Variants in ROBO2 observed in about 807,000 individuals in gnomAD.
ROBO2 encodes the protein roundabout guidance receptor 2.
ROBO2 carries 53 observed loss-of-function variants against 160.8 expected under a neutral mutation model. The ratio of observed to expected loss-of-function variants is 0.33; its 90% CI spans 0.26 to 0.41. The LOEUF is 0.41. Among genes scored for constraint, ROBO2 ranks in the 10% least tolerant of loss-of-function variants. The probability of loss-of-function intolerance (pLI) is 1.00; values close to 1 mark genes in which losing one functional copy is unlikely to be tolerated. For synonymous variants in ROBO2, 664 were observed against 611.7 expected, an observed-to-expected ratio of 1.09 and a Z score of -1.26; for missense variants, 1,577 against 1,722.4, an observed-to-expected ratio of 0.92 and a Z score of 1.49.
intron 2 of ROBO2, among the ~76,000 whole-genome samples, chr3:76,958,385 TC>T (rs2079428579): frequency 6.6e-6 from 1 of 152,246 alleles, no homozygotes; most frequent in Admixed American, 6.5e-5. Context: ...TTTTTATCTG[TC>T]TGCTCTTCCT....
At chr3:77,553,091 G>T (rs2092978110) in intron 8 of ROBO2, among the ~76,000 whole-genome samples, 1 of 152,058 alleles carries the variant, frequency 6.6e-6, no homozygotes, top group Admixed American at 6.6e-5. Context: ...AAACAAGTCT[G>T]TTGGTGCCAT....
intron 2 of ROBO2, among the ~76,000 whole-genome samples, chr3:76,370,455 T>A (rs1239286073): frequency 1.3e-5 from 2 of 152,074 alleles, no homozygotes; most frequent in East Asian, 3.9e-4. Context: ...TTATTAAATC[T>A]CTTTCAGTGT....
At chr3:76,294,208 C>T (rs565812358) in intron 2 of ROBO2, among the ~76,000 whole-genome samples, 7 of 152,146 alleles carry the variant, frequency 4.6e-5, no homozygotes, top group Admixed American at 2.0e-4. Flanking sequence ...AAGGGGGTTT[C>T]CTGGGCCTCC....
chr3:76,628,494 C>T (rs1169241769), intron 2 of ROBO2, among the ~76,000 whole-genome samples: 1 of 149,078 alleles, frequency 6.7e-6, no homozygotes, highest in East Asian at 2.0e-4. Flanking sequence ...TCCTAAACTC[C>T]TGGGCTCAAA....
rs192965430 is a variant in ROBO2, at chr3:76,302,450, A to G, written c.109+364848A>G. Reference sequence around the variant, plus strand: ...TTTAACTAGAAACAGAACCAATATTATAGTACCCTAGAAGGCTCAAGAGCA... The same window carrying G: ...TTTAACTAGAAACAGAACCAATATTGTAGTACCCTAGAAGGCTCAAGAGCA... On this transcript the variant is annotated intron_variant, in intron 2 of 26. Coordinates refer to the ROBO2 transcript ENST00000487694. Among the ~76,000 whole-genome samples, 283 of 152,184 alleles carry G rather than the reference A, an allele frequency of 1.9e-3. 5 individuals are homozygous for G. The highest frequency in any genetic ancestry group is 4.4e-4 in the Non-Finnish European group (30 of 67,932).
At chr3:76,402,923 T>G (rs1309197075) in intron 2 of ROBO2, among the ~76,000 whole-genome samples, 2 of 151,620 alleles carry the variant, frequency 1.3e-5, no homozygotes, top group Admixed American at 1.3e-4. Context: ...AAGTCCCTCT[T>G]ACTATGTATG....
intron 13 of ROBO2, among the ~76,000 whole-genome samples, chr3:77,573,008 CT>C (rs1197045575): frequency 2.0e-5 from 3 of 151,922 alleles, no homozygotes. Flanking sequence ...CCATAATTCT[CT>C]TTTTTATTTC....
intron 2 of ROBO2, among the ~76,000 whole-genome samples, chr3:75,985,871 A>G (rs2065400314): frequency 6.6e-6 from 1 of 151,636 alleles, no homozygotes; most frequent in African/African-American, 2.4e-5. Context: ...AGAATATGTC[A>G]GACTTGTATT....
intron 2 of ROBO2, among the ~76,000 whole-genome samples, chr3:76,942,946 CCTGTT>C (rs1371136966): frequency 2.6e-5 from 4 of 152,026 alleles, no homozygotes; most frequent in African/African-American, 9.7e-5. Context: ...AGGTCATACT[CCTGTT>C]CATTTAGACT....
chr3:77,221,281 G>T (rs1453743240), intron 2 of ROBO2, among the ~76,000 whole-genome samples: 2 of 152,170 alleles, frequency 1.3e-5, no homozygotes, highest in Admixed American at 6.5e-5. Context: ...AGACCAAGTA[G>T]ATAGAAGGTG....
chr3:75,911,159 A>G (rs1304453420), intron 1 of ROBO2, among the ~76,000 whole-genome samples: 9 of 152,160 alleles, frequency 5.9e-5, no homozygotes, highest in Non-Finnish European at 1.5e-5. Context: ...GTTGAACTGT[A>G]CTTTTCTTGA....
At chr3:77,005,276 T>C (rs2061525272) in intron 2 of ROBO2, among the ~76,000 whole-genome samples, 1 of 152,194 alleles carries the variant, frequency 6.6e-6, no homozygotes, top group Non-Finnish European at 1.5e-5. Flanking sequence ...CCAGCTACCT[T>C]GGGAGTTTTT....
At chr3:76,003,866 CAATTAAAACTACAAT>C (rs2065952699) in intron 2 of ROBO2, among the ~76,000 whole-genome samples, 1 of 152,058 alleles carries the variant, frequency 6.6e-6, no homozygotes, top group Admixed American at 6.6e-5. Context: ...TAGGAAAATG[CAATTAAAACTACAAT>C]GAGATGCCCT....
At chr3:76,505,395 G>A (rs1278759973) in intron 2 of ROBO2, among the ~76,000 whole-genome samples, 1 of 152,066 alleles carries the variant, frequency 6.6e-6, no homozygotes, top group Non-Finnish European at 1.5e-5. Flanking sequence ...CTATTAGTAT[G>A]TGTTGTGGGC....
intron 2 of ROBO2, among the ~76,000 whole-genome samples, chr3:76,262,216 ATACTTAT>A (rs1018245351): frequency 2.0e-5 from 3 of 152,126 alleles, no homozygotes; most frequent in African/African-American, 7.2e-5. Context: ...AGAACATTTA[ATACTTAT>A]TAAATATTAT....
intron 2 of ROBO2, among the ~76,000 whole-genome samples, chr3:77,305,250 T>G (rs1321396006): frequency 2.0e-5 from 3 of 152,230 alleles, no homozygotes; most frequent in African/African-American, 7.2e-5. Context: ...TTATTGTCAA[T>G]GTGGAATTTT....
At chr3:76,056,963 G>T (rs1423249937) in intron 2 of ROBO2, among the ~76,000 whole-genome samples, 1 of 152,118 alleles carries the variant, frequency 6.6e-6, no homozygotes, top group East Asian at 1.9e-4. Flanking sequence ...TGATTATGTT[G>T]TGTATGCCTG....
chr3:77,537,340 A>G (rs1559564938), intron 6 of ROBO2, among the ~76,000 whole-genome samples: 1 of 152,170 alleles, frequency 6.6e-6, no homozygotes, highest in Non-Finnish European at 1.5e-5. Flanking sequence ...CCATCAACAA[A>G]TTCCAAGACT....
At chr3:77,253,471 T>C (rs1472240846) in intron 2 of ROBO2, among the ~76,000 whole-genome samples, 1 of 152,194 alleles carries the variant, frequency 6.6e-6, no homozygotes, top group Non-Finnish European at 1.5e-5. Context: ...CCAAAAATAA[T>C]ATTAAATTTT....
Sources: allele counts gnomAD v4.1 joint callset (sites outside exome capture counted in the v4.1 genomes callset), GRCh38; gene constraint gnomAD v4.1.1; transcripts MANE v1.5; gene names NCBI Gene and HGNC (gene_info 2026-07-23, HGNC 2026-07-21).